Variants in UVSSA observed in about 807,000 individuals in gnomAD.
UVSSA encodes UV stimulated scaffold protein A, also known as UV-stimulated scaffold protein A.
In UVSSA, 72 loss-of-function variants were observed where a neutral mutation model predicts 73.9. That is an observed-to-expected ratio of 0.97 (90% CI 0.81 to 1.19). UVSSA has a LOEUF of 1.19. Among genes scored for constraint, UVSSA ranks in the 50% most tolerant of loss-of-function variants. The pLI, the probability that UVSSA is intolerant of heterozygous loss-of-function variation, is 0.00. For missense variants in UVSSA, 1,150 were observed against 965.0 expected, an observed-to-expected ratio of 1.19 and a Z score of -2.54; for synonymous variants, 454 against 391.3, an observed-to-expected ratio of 1.16 and a Z score of -1.89.
At chr4:1,342,383 C>T (rs1027820178), upstream of UVSSA, among the ~76,000 whole-genome samples, 18 of 152,188 alleles carry the variant, frequency 1.2e-4, no homozygotes, top group African/African-American at 4.3e-4. Flanking sequence ...ACATATTTGT[C>T]TATTGCTCAT....
At chr4:1,355,577 G>C (rs899516945) in intron 7 of UVSSA, among the ~76,000 whole-genome samples, 1 of 152,206 alleles carries the variant, frequency 6.6e-6, no homozygotes. Flanking sequence ...TCAGCAGTGC[G>C]GCACCTGTCC....
chr4:1,394,495 G>T (rs774653706), exon 14 of UVSSA: 45 of 1,613,884 alleles, frequency 2.8e-5, no homozygotes, highest in Non-Finnish European at 3.6e-5. Flanking sequence ...AGCTGTCCAG[G>T]TGTCCCTGCA....
Position 1,355,104 on chromosome 4 carries a change from C to A in UVSSA, c.1048-13C>A. On this transcript the variant is annotated splice_polypyrimidine_tract_variant and intron_variant, in intron 6 of 13. Coordinates refer to ENST00000389851, the MANE Select transcript of UVSSA (RefSeq NM_020894.4). ...CGGCCGGCCCCTGAGCTGTTCGCAC[C>A]CCCGTTTCGCAGCGCTTCACCCGCG... The A allele has an allele frequency of 6.2e-7, 1 of 1,613,104 alleles. No homozygotes were observed. Among genetic ancestry groups the A allele is most frequent in the South Asian group, 1.1e-5 (1 of 91,020 alleles).
chr4:1,368,303 G>A (rs1473939383), intron 8 of UVSSA, among the ~76,000 whole-genome samples: 4 of 152,230 alleles, frequency 2.6e-5, no homozygotes, highest in South Asian at 2.1e-4. Context: ...CATCTTAGAC[G>A]GGGTGACGTG....
intron 6 of UVSSA, 82 bp downstream of exon 6, chr4:1,354,929 C>G: frequency 6.6e-7 from 1 of 1,525,390 alleles, no homozygotes; most frequent in South Asian, 1.2e-5. Flanking sequence ...CTTGGGGGGA[C>G]TGTGGCCCGG....
At chr4:1,357,734 G>A (rs1715995113) in intron 7 of UVSSA, among the ~76,000 whole-genome samples, 1 of 152,160 alleles carries the variant, frequency 6.6e-6, no homozygotes, top group African/African-American at 2.4e-5. Context: ...TGCCGTGTGT[G>A]GGCTCAGGAG....
At chr4:1,395,851 A>G (rs1245790701) in exon 14 of UVSSA, 1 of 1,611,732 alleles carries the variant, frequency 6.2e-7, no homozygotes, top group African/African-American at 1.3e-5. Flanking sequence ...GAGATAACGT[A>G]GGAATATTAG....
intron 8 of UVSSA, among the ~76,000 whole-genome samples, chr4:1,372,794 T>TAC (rs1560469073): frequency 4.6e-5 from 2 of 43,796 alleles, no homozygotes; most frequent in African/African-American, 1.5e-4. Flanking sequence ...CCCGCGTCCC[T>TAC]GCACTCACCT....
intron 7 of UVSSA, among the ~76,000 whole-genome samples, chr4:1,361,265 A>G (rs1343134784): frequency 6.6e-6 from 1 of 152,188 alleles, no homozygotes; most frequent in Non-Finnish European, 1.5e-5. Flanking sequence ...AAGCGGCCCG[A>G]GGCCCACCAT....
chr4:1,368,158 C>T (rs55803927), intron 8 of UVSSA, among the ~76,000 whole-genome samples: 9,341 of 152,318 alleles, frequency 0.061, 423 homozygotes, highest in Non-Finnish European at 0.1. Flanking sequence ...CCTCATCTCC[C>T]GGACCCCTCC....
chr4:1,349,913 G>T (rs1412612751), intron 3 of UVSSA, 59 bp downstream of exon 3: 2 of 1,415,428 alleles, frequency 1.4e-6, no homozygotes, highest in African/African-American at 2.9e-5. Context: ...GAGGGCAGAC[G>T]ATACCAGGGT....
upstream of UVSSA, among the ~76,000 whole-genome samples, chr4:1,343,600 A>G (rs1025895854): frequency 1.3e-5 from 2 of 152,154 alleles, no homozygotes; most frequent in African/African-American, 2.4e-5. Flanking sequence ...CAGCCTGACC[A>G]ACATGGTGAA....
chr4:1,383,668 C>G (rs1039467901), intron 12 of UVSSA, 98 bp from the exon 13 acceptor site: 42 of 1,490,854 alleles, frequency 2.8e-5, no homozygotes, highest in Non-Finnish European at 3.8e-5. Context: ...ACCCAGCCCC[C>G]CTGTCAGGAC....
chr4:1,384,123 G>A, intron 13 of UVSSA, 183 bp downstream of exon 13: 2 of 738,210 alleles, frequency 2.7e-6, no homozygotes, highest in East Asian at 2.8e-5. Context: ...GCCAGCAGGG[G>A]CAGCAGGCAG....
chr4:1,381,896 C>T (rs1719548679), intron 12 of UVSSA, among the ~76,000 whole-genome samples: 1 of 152,176 alleles, frequency 6.6e-6, no homozygotes, highest in South Asian at 2.1e-4. Context: ...TGGTCTTGAA[C>T]TCCTGCATTC....
Position 1,375,449 on chromosome 4 carries a change from C to G in UVSSA, c.1374C>G (p.Thr458=), listed in dbSNP as rs369537231. The G allele has an allele frequency of 3.7e-6, 6 of 1,613,220 alleles. No homozygotes were observed. The highest frequency in any genetic ancestry group is 5.1e-6 in the Non-Finnish European group (6 of 1,180,012). ...TRMDEEVSDP[T]SAAAQLRQLR... ...TGGACGAGGAGGTGTCGGACCCCACCTCTGCGGCTGCTCAGCTGCGGCAGC... is the reference window on the plus strand; with the variant it reads ...TGGACGAGGAGGTGTCGGACCCCACGTCTGCGGCTGCTCAGCTGCGGCAGC... Residue 458 remains threonine, a synonymous_variant, in exon 9 of 14, where the codon ACC becomes ACG. Coordinates refer to ENST00000389851, the MANE Select transcript of UVSSA (RefSeq NM_020894.4).
At chr4:1,384,720 C>G (rs758215117) in intron 13 of UVSSA, 1 of 152,322 alleles carries the variant, frequency 6.6e-6, no homozygotes, top group Non-Finnish European at 1.5e-5. Flanking sequence ...CCCCACCCAT[C>G]GCCATCCCAG....
intron 10 of UVSSA, among the ~76,000 whole-genome samples, chr4:1,378,450 C>G (rs1189716497): frequency 6.6e-6 from 1 of 152,182 alleles, no homozygotes; most frequent in African/African-American, 2.4e-5. Context: ...CTACTCGAGA[C>G]TGAGGCGGGA....
At chr4:1,391,986 G>A (rs1418697821), downstream of UVSSA, 2 of 152,172 alleles carry the variant, frequency 1.3e-5, no homozygotes, top group Non-Finnish European at 2.9e-5. Flanking sequence ...TTACTATATT[G>A]TCTTTTTTGT....
Sources: gnomAD v4.1 joint callset for allele counts (sites outside exome capture counted in the v4.1 genomes callset) on GRCh38, gnomAD v4.1.1 for gene constraint, MANE v1.5 for transcripts, NCBI Gene and HGNC (gene_info 2026-07-23, HGNC 2026-07-21) for gene names.